The following NSFL1C variants were observed in gnomAD, a reference collection of about 807,000 sequenced individuals.
The protein encoded by NSFL1C is NSFL1 cofactor, also known as NSFL1 cofactor p47.
A neutral mutation model predicts 43.1 loss-of-function variants in NSFL1C; 14 were observed. The observed-to-expected ratio is 0.32, with a 90% CI of 0.21 to 0.51. NSFL1C has a LOEUF of 0.51. Ranked by LOEUF, NSFL1C falls within the 20% of genes least tolerant of loss-of-function variation. The pLI, the probability that NSFL1C is intolerant of heterozygous loss-of-function variation, is 0.98. For missense variants in NSFL1C, 406 were observed against 472.5 expected, an observed-to-expected ratio of 0.86 and a Z score of 1.30; for synonymous variants, 171 against 183.5, an observed-to-expected ratio of 0.93 and a Z score of 0.55.
At chr20:1,464,125 A>C in intron 2 of NSFL1C, 1 of 513,468 alleles carries the variant, frequency 1.9e-6, no homozygotes, top group Non-Finnish European at 3.5e-6. Flanking sequence ...CCCAGGATTG[A>C]ACCATAAACC....
intron 2 of NSFL1C, among the ~76,000 whole-genome samples, chr20:1,463,729 G>A (rs1047057243): frequency 1.3e-5 from 2 of 152,150 alleles, no homozygotes; most frequent in African/African-American, 4.8e-5. Context: ...TTTACAGGAA[G>A]CACCCCTGCC....
chr20:1,460,836 G>A (rs1014953955), intron 2 of NSFL1C, among the ~76,000 whole-genome samples: 2 of 152,314 alleles, frequency 1.3e-5, no homozygotes, highest in African/African-American at 2.4e-5. Context: ...TCAGACAATC[G>A]TAGTTCCCGG....
chr20:1,453,928 C>G (rs1015135250), intron 5 of NSFL1C, among the ~76,000 whole-genome samples: 9 of 152,114 alleles, frequency 5.9e-5, no homozygotes, highest in African/African-American at 2.2e-4. Flanking sequence ...TAGAGAACCC[C>G]AGATACACTG....
At chr20:1,463,160 T>C (rs1421189227) in intron 2 of NSFL1C, among the ~76,000 whole-genome samples, 1 of 152,174 alleles carries the variant, frequency 6.6e-6, no homozygotes, top group Admixed American at 6.5e-5. Flanking sequence ...ACTTTGGGAT[T>C]ACTGGAGAAA....
At chr20:1,444,412 C>T (rs1025383088) in intron 8 of NSFL1C, among the ~76,000 whole-genome samples, 11 of 152,196 alleles carry the variant, frequency 7.2e-5, no homozygotes, top group African/African-American at 2.4e-4. Flanking sequence ...TTCACAAGGA[C>T]AGTGTGTGTC....
intron 3 of NSFL1C, chr20:1,456,482 C>T (rs1467758108): frequency 6.6e-6 from 1 of 152,186 alleles, no homozygotes; most frequent in African/African-American, 2.4e-5. Flanking sequence ...GCCCACTTCC[C>T]CAAAGACTGA....
chr20:1,464,424 G>A lies in NSFL1C; in HGVS notation c.108C>T (p.Ile36=), dbSNP rs748909811. The change falls in exon 2 of 9, where the codon ATC becomes ATT. Residue 36 remains isoleucine (I), a splice_region_variant and synonymous_variant. Coordinates refer to ENST00000216879, the MANE Select transcript of NSFL1C (RefSeq NM_016143.5). ...FLESAGWDLQ[I]ALASFYEDGG... ...CGTCCTCATAAAAGCTCGCTAGCGC[G>A]ATCTGAAACAGAGAGGTAGTACCTT... is the stretch of plus-strand genomic sequence containing the variant. 19 of 1,613,988 alleles carry A rather than the reference G, an allele frequency of 1.2e-5. No individual in the cohort carries two copies. Among genetic ancestry groups the A allele is most frequent in the African/African-American group, 6.7e-5 (5 of 74,940 alleles).
intron 1 of NSFL1C, among the ~76,000 whole-genome samples, chr20:1,466,388 C>A (rs1285578107): frequency 6.6e-6 from 1 of 152,254 alleles, no homozygotes; most frequent in Admixed American, 6.5e-5. Flanking sequence ...TCGGACCAGC[C>A]CGGCCTCCAG....
rs550628830 is a variant in NSFL1C at position 1,452,558 on chromosome 20, G to A, written c.720C>T (p.Asp240=). The change falls in exon 7 of 9, where the codon GAC becomes GAT. Residue 240 remains aspartate, a synonymous_variant. Transcript: ENST00000216879. The part of the protein sequence containing the change: ...QVNLDMEDHR[D]EDFVKPKGAF... ...CTCCTTTGGGCTTCACAAAGTCCTC[G>A]TCCCGATGGTCCTCCATATCCAAGT... 340 of 1,614,134 alleles carry A rather than the reference G, an allele frequency of 2.1e-4. 1 individual carries two copies. In the South Asian group the frequency reaches 2.7e-3, roughly 13 times the overall value.
At chr20:1,454,866 G>GA (rs1279534224) in intron 4 of NSFL1C, 101 bp downstream of exon 4, 2 of 1,304,288 alleles carry the variant, frequency 1.5e-6, no homozygotes, top group Admixed American at 2.1e-5. Flanking sequence ...GTAAGCAAAT[G>GA]AAAAAAAGAA....
At position 1,451,144 on chromosome 20, in the gene NSFL1C, ACT is replaced by A. The variant is rs527529422; in HGVS notation, c.785+1347_785+1348del. 3.1e-3 allele frequency among the ~76,000 whole-genome samples: 474 copies of A among 152,328 alleles called. 2 individuals carry two copies. The highest frequency in any genetic ancestry group is 0.011 in the African/African-American group (460 of 41,566). ...AAAGCTCATCACAACTGACAGGGAC[ACT>A]CTCTGTGAGAATAGCTGTCCTGGGC... is the stretch of plus-strand genomic sequence containing the variant. On this transcript the variant is annotated intron_variant, in intron 7 of 8. Coordinates refer to ENST00000216879, the MANE Select transcript of NSFL1C (RefSeq NM_016143.5).
chr20:1,458,330 T>C, intron 2 of NSFL1C, 56 bp from the exon 3 acceptor site: 2 of 1,447,624 alleles, frequency 1.4e-6, no homozygotes, highest in Non-Finnish European at 1.9e-6. Context: ...AAGGTAACCC[T>C]CATCACCAGC....
chr20:1,445,305 C>T (rs928796318), intron 8 of NSFL1C, among the ~76,000 whole-genome samples: 1 of 152,152 alleles, frequency 6.6e-6, no homozygotes, highest in Non-Finnish European at 1.5e-5. Flanking sequence ...ACACTGCACC[C>T]CCTTCTCCTC....
rs1300247338 is a variant in NSFL1C at position 1,458,181 on chromosome 20, C to T, written c.278+19G>A. The T allele has an allele frequency of 6.2e-7, 1 of 1,605,012 alleles. No homozygotes were observed. The highest frequency in any genetic ancestry group is 8.5e-7 in the Non-Finnish European group (1 of 1,171,806). The stretch of plus-strand genomic sequence containing the variant: ...ACTTCCCTGTGAACTGTCCCCCTGA[C>T]CCCCTCTAGAAGACTCACCTCTGGC... On this transcript the variant is annotated intron_variant, in intron 3 of 8. Transcript: ENST00000216879.
chr20:1,461,999 C>T (rs926493507), intron 2 of NSFL1C, among the ~76,000 whole-genome samples: 1 of 152,144 alleles, frequency 6.6e-6, no homozygotes, highest in African/African-American at 2.4e-5. Context: ...CAAAAGATAC[C>T]TGCTAACATG....
chr20:1,465,614 A>G (rs2090493864), intron 1 of NSFL1C, among the ~76,000 whole-genome samples: 1 of 152,214 alleles, frequency 6.6e-6, no homozygotes, highest in Non-Finnish European at 1.5e-5. Flanking sequence ...CTCAGTTCAA[A>G]TTCCAACCCC....
chr20:1,445,739 C>G lies in NSFL1C; in HGVS notation c.877G>C (p.Glu293Gln), dbSNP rs2122803199. The change falls in exon 8 of 9, where the codon GAG (glutamate) becomes CAG (glutamine). Residue 293 changes from glutamate (E) to glutamine (Q), a missense_variant. Physicochemically the swap from Glu to Gln is conservative, Grantham distance 29 (BLOSUM62 2). Transcript: ENST00000216879. Reference protein sequence around the residue: ...ASSSILIDESEPTTNIQIRLA... With the variant: ...ASSSILIDESQPTTNIQIRLA... ...CGAATTTGGATGTTTGTGGTAGGCT[C>G]TGATTCGTCGATTAAGATGGAAGAG... The G allele has an allele frequency of 6.2e-7, 1 of 1,614,040 alleles. No homozygotes were observed. The highest frequency in any genetic ancestry group is 1.7e-4 in the Middle Eastern group (1 of 6,046).
At position 1,444,607 on chromosome 20, in the gene NSFL1C, C is replaced by T. The variant is rs142336033; in HGVS notation, c.951-696G>A. On this transcript the variant is annotated intron_variant, in intron 8 of 8. Transcript: ENST00000216879. ...CTTAAACATAAGTTTCCTTTTTGCC[C>T]CAAACCCCTAAAATCTATGCAACTT... 6.6e-5 allele frequency among the ~76,000 whole-genome samples: 10 copies of T among 152,246 alleles called. No homozygotes were observed. In the South Asian group the frequency reaches 1.0e-3, roughly 16 times the overall value.
At chr20:1,444,871 C>T (rs1323869632) in intron 8 of NSFL1C, among the ~76,000 whole-genome samples, 1 of 152,184 alleles carries the variant, frequency 6.6e-6, no homozygotes, top group Non-Finnish European at 1.5e-5. Flanking sequence ...AAGGAGGTCT[C>T]AATAGGCTCT....
Sources: allele counts gnomAD v4.1 joint callset (sites outside exome capture counted in the v4.1 genomes callset), GRCh38; gene constraint gnomAD v4.1.1; transcripts MANE v1.5; gene names NCBI Gene and HGNC (gene_info 2026-07-23, HGNC 2026-07-21).